The following OR10R2 variants were observed in gnomAD, a reference collection of about 807,000 sequenced individuals.
OR10R2 encodes olfactory receptor family 10 subfamily R member 2, also known as olfactory receptor 10R2.
A neutral mutation model predicts 2.4 loss-of-function variants in OR10R2; 1 was observed. The observed-to-expected ratio is 0.41, with a 90% CI of 0.15 to 1.95. OR10R2 has a LOEUF of 1.95. Among genes scored for constraint, OR10R2 ranks in the 30% most tolerant of loss-of-function variants. The pLI is 0.30. For synonymous variants in OR10R2, 166 were observed against 144.8 expected (o/e 1.15, Z -1.05); for missense variants, 419 against 373.0 (o/e 1.12, Z -1.01).
intron 1 of OR10R2, among the ~76,000 whole-genome samples, chr1:158,476,274 G>A (rs770300871): frequency 1.3e-5 from 2 of 151,916 alleles, no homozygotes; most frequent in Non-Finnish European, 2.9e-5. Context: ...TAGGCTGGGC[G>A]CAGTGGTTCA....
In OR10R2 at chr1:158,478,555, G is replaced by T. The variant is rs192553731; in HGVS notation, c.28-1383G>T. Among the ~76,000 whole-genome samples, 1,017 of 152,106 alleles carry T rather than the reference G, an allele frequency of 6.7e-3. 12 individuals carry two copies. The highest frequency in any genetic ancestry group is 0.023 in the African/African-American group (934 of 41,506). On this transcript the variant is annotated intron_variant, in intron 1 of 1. Transcript: ENST00000641067. The stretch of plus-strand genomic sequence containing the variant: ...TACTACATTGCTTTGACTATTTACT[G>T]CAGAAAAAAACTATTGTAAGTTTCA...
intron 1 of OR10R2, among the ~76,000 whole-genome samples, chr1:158,477,082 A>G (rs527956176): frequency 3.9e-4 from 60 of 152,324 alleles, no homozygotes; most frequent in African/African-American, 1.4e-3. Flanking sequence ...ACAATTAGAA[A>G]TGAAATTCAT....
intron 1 of OR10R2, among the ~76,000 whole-genome samples, chr1:158,479,129 G>A (rs987046590): frequency 1.3e-5 from 2 of 152,060 alleles, no homozygotes; most frequent in Non-Finnish European, 2.9e-5. Flanking sequence ...CCTAGAGTAG[G>A]ACTAAAATGG....
chr1:158,473,049 G>C (rs765675024), intron 1 of OR10R2, among the ~76,000 whole-genome samples: 2 of 152,304 alleles, frequency 1.3e-5, no homozygotes, highest in Non-Finnish European at 2.9e-5. Flanking sequence ...ATTCCATCTT[G>C]AGTGCTTTCT....
At chr1:158,474,027 CTTCTTTCT>C (rs368266313) in intron 1 of OR10R2, among the ~76,000 whole-genome samples, 4 of 144,604 alleles carry the variant, frequency 2.8e-5, no homozygotes, top group African/African-American at 7.7e-5. Context: ...TCCTCTCTTT[CTTCTTTCT>C]TTCTTTCTTT....
chr1:158,472,320 G>A, exon 1 of OR10R2: 1 of 398,992 alleles, frequency 2.5e-6, no homozygotes, highest in Non-Finnish European at 4.4e-6. Context: ...ATACAGAAGA[G>A]GCACAATGAC....
At chr1:158,480,559 G>C (rs775580288) in exon 2 of OR10R2, 5 of 1,613,628 alleles carry the variant, frequency 3.1e-6, no homozygotes. Context: ...TCTTGTACTT[G>C]TGGTTCCCTT....
chr1:158,477,857 A>G (rs1472684759), intron 1 of OR10R2, among the ~76,000 whole-genome samples: 1 of 152,150 alleles, frequency 6.6e-6, no homozygotes, highest in South Asian at 2.1e-4. Flanking sequence ...AACCCTAAAG[A>G]AAAAGAACAA....
At chr1:158,474,700 A>T (rs1342305306) in intron 1 of OR10R2, 1 of 152,200 alleles carries the variant, frequency 6.6e-6, no homozygotes, top group African/African-American at 2.4e-5. Context: ...ATTTTAATTG[A>T]CACCTAGTAT....
Position 158,479,741 on chromosome 1 carries a change from A to G in OR10R2, c.28-197A>G, listed in dbSNP as rs117833935. ...GAGAGAATCAGAAAGTCAGAGAAAGAGATGTAACTTTGTTGACTTTGAAGA... is the reference window on the plus strand; with the variant it reads ...GAGAGAATCAGAAAGTCAGAGAAAGGGATGTAACTTTGTTGACTTTGAAGA... On this transcript the variant is annotated intron_variant, in intron 1 of 1. Transcript: ENST00000641067. The G allele has an allele frequency of 7.8e-4, 477 of 614,820 alleles. 7 individuals are homozygous for G. In the East Asian group the frequency reaches 0.013, roughly 17 times the overall value. The allele number at this position is 614,820 out of a possible 1,614,324, so 38.1% of individuals were successfully genotyped here. A position where few individuals can be genotyped will look rare whatever the true frequency, so the allele number is the denominator to read the frequency against.
intron 1 of OR10R2, among the ~76,000 whole-genome samples, chr1:158,476,453 C>T: frequency 6.8e-6 from 1 of 147,420 alleles, no homozygotes. Flanking sequence ...GAGGCTGAGG[C>T]AGGAGAATTG....
intron 1 of OR10R2, 129 bp from the exon 2 acceptor site, chr1:158,479,809 A>G: frequency 1.1e-6 from 1 of 893,550 alleles, no homozygotes; most frequent in Non-Finnish European, 1.8e-6. Context: ...AGAGGTAGTT[A>G]GGAACCGGAA....
intron 1 of OR10R2, among the ~76,000 whole-genome samples, chr1:158,475,454 AAT>A (rs1376047758): frequency 2.6e-5 from 4 of 152,026 alleles, no homozygotes; most frequent in African/African-American, 9.7e-5. Flanking sequence ...GAGTGTAAAT[AAT>A]ATCTCTACTT....
intron 1 of OR10R2, among the ~76,000 whole-genome samples, chr1:158,478,821 C>T (rs955640100): frequency 6.6e-6 from 1 of 152,056 alleles, no homozygotes; most frequent in Middle Eastern, 3.2e-3. Flanking sequence ...AATCTGTTTG[C>T]TCATTTTTCT....
intron 1 of OR10R2, among the ~76,000 whole-genome samples, chr1:158,473,784 T>TCCCTCCTTCCTTCCTCCC (rs1382995099): frequency 2.3e-5 from 1 of 42,602 alleles, no homozygotes; most frequent in Non-Finnish European, 4.7e-5. Flanking sequence ...TCCTCCCTCC[T>TCCCTCCTTCCTTCCTCCC]TCCCTCTTTC....
exon 2 of OR10R2, chr1:158,480,648 G>C: frequency 6.2e-7 from 1 of 1,613,912 alleles, no homozygotes; most frequent in Non-Finnish European, 8.5e-7. Context: ...GACGGAAAGC[G>C]TTTTCCACCT....
At chr1:158,480,725 C>T (rs1221041644) in exon 2 of OR10R2, 3 of 1,612,498 alleles carry the variant, frequency 1.9e-6, no homozygotes, top group Non-Finnish European at 2.5e-6. Flanking sequence ...CTGAGGCCTA[C>T]AGCAAACTAT....
At chr1:158,475,537 T>C (rs1364169829) in intron 1 of OR10R2, among the ~76,000 whole-genome samples, 1 of 151,958 alleles carries the variant, frequency 6.6e-6, no homozygotes, top group Non-Finnish European at 1.5e-5. Flanking sequence ...TGATGCATTC[T>C]ATTTCTATTT....
rs2101675538 is a variant in OR10R2, at chr1:158,479,765, G to C, written c.28-173G>C. 4.6e-6 allele frequency: 3 copies of C among 654,290 alleles called. No homozygotes were observed. The East Asian group carries it at 8.0e-5, about 17-fold the overall frequency. 40.5% of individuals were successfully genotyped at this position (654,290 alleles called of 1,614,324 possible). On this transcript the variant is annotated intron_variant, in intron 1 of 1. Transcript: ENST00000641067. The stretch of plus-strand genomic sequence containing the variant: ...GAGATGTAACTTTGTTGACTTTGAA[G>C]ATGGAAGAAGAGGACCATGAACCAA...
Sources: allele counts gnomAD v4.1 joint callset (sites outside exome capture counted in the v4.1 genomes callset), GRCh38; gene constraint gnomAD v4.1.1; transcripts MANE v1.5; gene names NCBI Gene and HGNC (gene_info 2026-07-23, HGNC 2026-07-21).